Variants in ZNF331 observed in about 807,000 individuals in gnomAD.
The protein encoded by ZNF331 is zinc finger protein 331.
In ZNF331, 2 loss-of-function variants were observed where a neutral mutation model predicts 7.0. The ratio of observed to expected loss-of-function variants is 0.29; its 90% CI spans 0.12 to 0.90. The LOEUF (loss-of-function observed/expected upper bound fraction) is 0.90, where lower values mean the gene tolerates loss of function less well. Ranked by LOEUF, ZNF331 falls within the 40% of genes least tolerant of loss-of-function variation. The pLI is 0.58. For missense variants in ZNF331, 432 were observed against 587.7 expected (o/e 0.74, Z 2.74); for synonymous variants, 196 against 205.4 (o/e 0.95, Z 0.39).
upstream of ZNF331, among the ~76,000 whole-genome samples, chr19:53,517,601 C>T (rs1232741537): frequency 6.6e-6 from 1 of 152,108 alleles, no homozygotes; most frequent in Non-Finnish European, 1.5e-5. Context: ...GTCTTCATTA[C>T]TCTCCCCACG....
intron 3 of ZNF331, among the ~76,000 whole-genome samples, chr19:53,562,461 G>A (rs989494154): frequency 7.9e-5 from 12 of 151,972 alleles, no homozygotes; most frequent in Admixed American, 1.3e-4. Context: ...AGGCCAAAGC[G>A]GGTGGATCAC....
At chr19:53,553,871 G>T (rs2089178301) in intron 2 of ZNF331, among the ~76,000 whole-genome samples, 1 of 152,172 alleles carries the variant, frequency 6.6e-6, no homozygotes, top group African/African-American at 2.4e-5. Context: ...GCTCCCAGCT[G>T]GGGTGACACA....
intron 2 of ZNF331, chr19:53,554,618 TGGG>T (rs1295667744): frequency 1.3e-5 from 2 of 152,070 alleles, no homozygotes; most frequent in Non-Finnish European, 2.9e-5. Flanking sequence ...CAAGCGTCAT[TGGG>T]GGTGATGGGG....
At chr19:53,509,998 C>T in the ZNF331 span, among the ~76,000 whole-genome samples, 38 of 152,280 alleles carry the variant, frequency 2.5e-4, no homozygotes, top group African/African-American at 8.9e-4. Context: ...ATCAGCAGAA[C>T]AGCAAGGGGG....
At position 53,579,096 on chromosome 19, in the gene ZNF331, G is replaced by C. The variant is rs947681090; in HGVS notation, c.*1144G>C. On this transcript the variant is annotated 3_prime_UTR_variant, in exon 6 of 6. Coordinates refer to ENST00000449416, the MANE Select transcript of ZNF331 (RefSeq NM_001079906.2). Reference sequence around the variant, plus strand: ...TTACAGGCGTGAGCCACTGCACCTAGCCCACTGATCACTCTTCTGCTTACA... The same window carrying C: ...TTACAGGCGTGAGCCACTGCACCTACCCCACTGATCACTCTTCTGCTTACA... 1 of 195,802 alleles carries C rather than the reference G, an allele frequency of 5.1e-6. No homozygotes were observed. The highest frequency in any genetic ancestry group is 2.3e-5 in the African/African-American group (1 of 43,234). The allele number at this position is 195,802 out of a possible 1,614,324, so 12.1% of individuals were successfully genotyped here.
rs182204233 is a variant in ZNF331 at position 53,569,343 on chromosome 19, C to T, written c.-34C>T. ...AATTTGTCTTCTTCAGTGGAAACCC[C>T]GAGAAGACTGATCAGTTCTTCAGTT... On this transcript the variant is annotated 5_prime_UTR_variant, in exon 4 of 6. Coordinates refer to ENST00000449416, the MANE Select transcript of ZNF331 (RefSeq NM_001079906.2). 1.0e-4 allele frequency: 166 copies of T among 1,613,222 alleles called. No individual in the cohort carries two copies. The highest frequency in any genetic ancestry group is 3.3e-4 in the Middle Eastern group (2 of 6,052).
intron 2 of ZNF331, among the ~76,000 whole-genome samples, chr19:53,553,722 A>G (rs1416126780): frequency 1.3e-5 from 2 of 152,208 alleles, no homozygotes; most frequent in Admixed American, 6.5e-5. Flanking sequence ...CAAGCAAGGG[A>G]CACCGAATAG....
upstream of ZNF331, chr19:53,538,128 G>C (rs977892521): frequency 6.6e-6 from 1 of 152,298 alleles, no homozygotes; most frequent in Non-Finnish European, 1.5e-5. Context: ...AGGGGGTGGC[G>C]GGACCGAGTG....
chr19:53,546,269 A>C (rs765982112), intron 2 of ZNF331, among the ~76,000 whole-genome samples: 1 of 151,974 alleles, frequency 6.6e-6, no homozygotes, highest in African/African-American at 2.4e-5. Flanking sequence ...GGCTCTCCAC[A>C]TGAGTTACCT....
At chr19:53,553,992 C>G (rs370597580) in intron 2 of ZNF331, among the ~76,000 whole-genome samples, 1 of 152,204 alleles carries the variant, frequency 6.6e-6, no homozygotes, top group Admixed American at 6.5e-5. Flanking sequence ...GCCCAGACTA[C>G]GTTTCCCAGA....
At chr19:53,540,080 T>C (rs2088033529) in intron 2 of ZNF331, among the ~76,000 whole-genome samples, 1 of 152,242 alleles carries the variant, frequency 6.6e-6, no homozygotes, top group Non-Finnish European at 1.5e-5. Flanking sequence ...GTATATTATT[T>C]AGGATTATTC....
chr19:53,539,274 A>C lies in ZNF331; in HGVS notation c.-146A>C, dbSNP rs1445437274. On this transcript the variant is annotated 5_prime_UTR_variant, in exon 2 of 6. Transcript: ENST00000449416. This position sits in a 1 kb window ranked among gnomAD's most constrained non-coding sequence, Gnocchi z 6.1. ...GGAAGACGAATCGTTAAACATCTGA[A>C]AGGGTCAGGTGAGTATCCTTTTTTT... 6.7e-6 allele frequency: 1 copy of C among 148,228 alleles called. No individual in the cohort carries two copies. Among genetic ancestry groups the C allele is most frequent in the Non-Finnish European group, 1.5e-5 (1 of 67,322 alleles). The allele number at this position is 148,228 out of a possible 1,614,324, so 9.2% of individuals were successfully genotyped here. A position where few individuals can be genotyped will look rare whatever the true frequency, so the allele number is the denominator to read the frequency against.
upstream of ZNF331, among the ~76,000 whole-genome samples, chr19:53,516,100 G>A (rs1284526): frequency 6.6e-6 from 1 of 151,914 alleles, no homozygotes; most frequent in Non-Finnish European, 1.5e-5. Flanking sequence ...CCTCAGAAAC[G>A]AGGTCCTTAC....
At position 53,571,481 on chromosome 19, in the gene ZNF331, C is replaced by A; in HGVS notation, c.10-123C>A. 8.0e-7 allele frequency: 1 copy of A among 1,256,838 alleles called. No individual in the cohort carries two copies. The highest frequency in any genetic ancestry group is 1.1e-6 in the Non-Finnish European group (1 of 897,348). 77.9% of individuals were successfully genotyped at this position (1,256,838 alleles called of 1,614,324 possible). A position where few individuals can be genotyped will look rare whatever the true frequency, so the allele number is the denominator to read the frequency against. On this transcript the variant is annotated intron_variant, in intron 4 of 5. Transcript: ENST00000449416. The surrounding 1 kb of genome is among the most constrained non-coding windows in gnomAD (Gnocchi z 4.7). ...ACAGTGATGTCCTTACCGCCCCTTG[C>A]CGATGTCACGGGTGTTCAGTCTGCT... is the stretch of plus-strand genomic sequence containing the variant.
the ZNF331 span, chr19:53,504,427 A>C: frequency 2.5e-5 from 4 of 159,322 alleles, no homozygotes; most frequent in African/African-American, 7.3e-5. Flanking sequence ...AGCAGGGGCC[A>C]CTGTTTTATT....
intron 3 of ZNF331, among the ~76,000 whole-genome samples, chr19:53,556,242 CAAAAAAAAAA>C (rs1160118053): frequency 1.2e-5 from 1 of 84,946 alleles, no homozygotes; most frequent in African/African-American, 4.4e-5. Context: ...GACTCCATCT[CAAAAAAAAAA>C]AAAAAAAAAA....
intron 3 of ZNF331, among the ~76,000 whole-genome samples, chr19:53,566,635 G>A (rs941224300): frequency 2.0e-5 from 3 of 152,136 alleles, no homozygotes; most frequent in Admixed American, 1.3e-4. Flanking sequence ...GGTTGCATAG[G>A]ACAGGTTAGC....
chr19:53,547,927 TG>T (rs773061137), intron 2 of ZNF331, among the ~76,000 whole-genome samples: 111 of 151,996 alleles, frequency 7.3e-4, no homozygotes, highest in Non-Finnish European at 1.4e-3. Context: ...CATTTTTGTT[TG>T]TTTTTTTTTG....
intron 2 of ZNF331, among the ~76,000 whole-genome samples, chr19:53,547,784 C>G (rs982084060): frequency 1.3e-5 from 2 of 152,124 alleles, no homozygotes; most frequent in African/African-American, 4.8e-5. Context: ...AGTAGTGATC[C>G]TGAGCAATTT....
Sources: gnomAD v4.1 joint callset for allele counts (sites outside exome capture counted in the v4.1 genomes callset) on GRCh38, gnomAD v4.1.1 for gene constraint, Gnocchi (gnomAD v3.1) non-coding constraint, MANE v1.5 for transcripts, NCBI Gene and HGNC (gene_info 2026-07-23, HGNC 2026-07-21) for gene names.